Variants in MAST4 observed in about 807,000 individuals in gnomAD.
MAST4 encodes microtubule-associated serine/threonine-protein kinase 4.
Under a neutral mutation model 162.7 loss-of-function variants are expected in MAST4, and 89 were observed. The ratio of observed to expected loss-of-function variants is 0.55; its 90% CI spans 0.46 to 0.65. The LOEUF is 0.65. Among genes scored for constraint, MAST4 ranks in the 30% least tolerant of loss-of-function variants. MAST4 has a pLI of 0.00. For synonymous variants in MAST4, 1,479 were observed against 1,361.1 expected (o/e 1.09, Z -1.91); for missense variants, 3,153 against 3,374.0 (o/e 0.93, Z 1.62).
intron 1 of MAST4, among the ~76,000 whole-genome samples, chr5:66,707,802 T>C (rs1195339335): frequency 1.3e-5 from 2 of 152,136 alleles, no homozygotes; most frequent in African/African-American, 4.8e-5. Context: ...TGTTAGCTCA[T>C]AGACTGATGG....
At chr5:66,688,375 A>T (rs1208136501) in intron 1 of MAST4, among the ~76,000 whole-genome samples, 2 of 152,170 alleles carry the variant, frequency 1.3e-5, no homozygotes, top group African/African-American at 4.8e-5. Context: ...TGATTCAGTC[A>T]TATCTCCTGA....
chr5:66,781,091 C>T (rs1754850660), intron 2 of MAST4, among the ~76,000 whole-genome samples: 1 of 152,194 alleles, frequency 6.6e-6, no homozygotes, highest in Admixed American at 6.5e-5. Flanking sequence ...CTCCATTCAT[C>T]CCTCAATGAA....
intron 1 of MAST4, among the ~76,000 whole-genome samples, chr5:66,610,955 A>T (rs1201096069): frequency 1.3e-5 from 2 of 152,254 alleles, no homozygotes; most frequent in Non-Finnish European, 2.9e-5. Flanking sequence ...TTTTCAGCTC[A>T]TTTCTAACAG....
intron 2 of MAST4, 63 bp from the exon 3 acceptor site, chr5:66,788,607 C>CCCACCAAAAAAAAA: frequency 4.4e-6 from 6 of 1,373,702 alleles, no homozygotes; most frequent in Non-Finnish European, 6.1e-6. Context: ...CCCCCACCCC[C>CCCACCAAAAAAAAA]ATTGCAATAA....
chr5:66,597,818 C>G (rs1285778126), intron 1 of MAST4, among the ~76,000 whole-genome samples: 1 of 152,054 alleles, frequency 6.6e-6, no homozygotes, highest in Non-Finnish European at 1.5e-5. Context: ...CTTCTGGCTG[C>G]TCTGTCCGGC....
chr5:66,626,995 AT>A (rs770605793), intron 1 of MAST4, among the ~76,000 whole-genome samples: 2 of 152,220 alleles, frequency 1.3e-5, no homozygotes, highest in Non-Finnish European at 2.9e-5. Context: ...ACTAAGTCAA[AT>A]GGCCAAAGAT....
intron 4 of MAST4, among the ~76,000 whole-genome samples, chr5:67,007,329 C>G (rs189824972): frequency 1.3e-5 from 2 of 152,128 alleles, no homozygotes; most frequent in Non-Finnish European, 2.9e-5. Context: ...CCTTTCTGTT[C>G]GCAAGTTGTT....
chr5:66,693,080 A>G (rs940207080), intron 1 of MAST4, among the ~76,000 whole-genome samples: 2 of 151,498 alleles, frequency 1.3e-5, no homozygotes, highest in African/African-American at 4.9e-5. Flanking sequence ...TTTACAAGAT[A>G]GTTTTTAGGG....
At chr5:67,078,891 TATTTATATATTTTTATATAA>T in intron 5 of MAST4, among the ~76,000 whole-genome samples, 2 of 89,206 alleles carry the variant, frequency 2.2e-5, no homozygotes, top group Non-Finnish European at 4.0e-5. Flanking sequence ...TATATTTATA[TATTTATATATTTTTATATAA>T]ATATATATAT....
chr5:66,963,054 G>A (rs1334432983), intron 4 of MAST4, among the ~76,000 whole-genome samples: 1 of 152,130 alleles, frequency 6.6e-6, no homozygotes, highest in Admixed American at 6.5e-5. Flanking sequence ...GGTTTGGATG[G>A]GTGGGTGGGG....
intron 1 of MAST4, among the ~76,000 whole-genome samples, chr5:66,692,584 A>C (rs1191424148): frequency 6.6e-5 from 10 of 152,088 alleles, no homozygotes; most frequent in Non-Finnish European, 1.5e-4. Flanking sequence ...CCATCAGAAC[A>C]CTTAAGCTAG....
intron 3 of MAST4, among the ~76,000 whole-genome samples, chr5:66,880,735 T>C (rs954023579): frequency 1.3e-5 from 2 of 152,238 alleles, no homozygotes; most frequent in African/African-American, 4.8e-5. Flanking sequence ...GGAGAGTGGA[T>C]TCCACTTATT....
rs144367625 is a variant in MAST4 at position 66,663,855 on chromosome 5, G to A, written c.363+66837G>A. On this transcript the variant is annotated intron_variant, in intron 1 of 28. Transcript: ENST00000403625. ...CCAAGATCACTCTGGCTACCATGTT[G>A]AGGATAGATTGTGGGAGGCTAAGAT... Among the ~76,000 whole-genome samples, 555 of 152,292 alleles carry A rather than the reference G, an allele frequency of 3.6e-3. 3 individuals are homozygous for A. The highest frequency in any genetic ancestry group is 0.012 in the African/African-American group (503 of 41,552).
intron 3 of MAST4, among the ~76,000 whole-genome samples, chr5:66,831,599 T>A (rs1757601471): frequency 6.6e-6 from 1 of 152,210 alleles, no homozygotes; most frequent in South Asian, 2.1e-4. Flanking sequence ...TCAGAACATA[T>A]AATTTCTCAA....
At chr5:66,822,788 C>G (rs1333411070) in intron 3 of MAST4, among the ~76,000 whole-genome samples, 1 of 152,196 alleles carries the variant, frequency 6.6e-6, no homozygotes, top group East Asian at 1.9e-4. Flanking sequence ...GATCTGACAC[C>G]TTTCACATTA....
At chr5:67,078,170 G>C (rs908909813) in intron 5 of MAST4, among the ~76,000 whole-genome samples, 1 of 151,946 alleles carries the variant, frequency 6.6e-6, no homozygotes, top group East Asian at 1.9e-4. Flanking sequence ...ATTGAAGAAG[G>C]CCTTTCCAAA....
chr5:66,776,417 G>C, intron 2 of MAST4, among the ~76,000 whole-genome samples: 1 of 152,162 alleles, frequency 6.6e-6, no homozygotes, highest in East Asian at 1.9e-4. Context: ...GGGTATTGAG[G>C]TTAATTAGCT....
intron 1 of MAST4, among the ~76,000 whole-genome samples, chr5:66,607,398 T>G (rs1371061705): frequency 1.3e-5 from 2 of 152,232 alleles, no homozygotes; most frequent in East Asian, 3.8e-4. Flanking sequence ...AGAGTTTGCC[T>G]GTAACCCAAT....
chr5:66,899,577 T>C (rs1762882719), intron 3 of MAST4, among the ~76,000 whole-genome samples: 1 of 152,232 alleles, frequency 6.6e-6, no homozygotes, highest in Admixed American at 6.5e-5. Context: ...TTAATTATAA[T>C]CCTGCAAAAT....
Sources: allele counts gnomAD v4.1 joint callset (sites outside exome capture counted in the v4.1 genomes callset), GRCh38; gene constraint gnomAD v4.1.1; transcripts MANE v1.5; gene names NCBI Gene and HGNC (gene_info 2026-07-23, HGNC 2026-07-21).